The following CHST11 variants were observed in gnomAD, a reference collection of about 807,000 sequenced individuals.
CHST11 encodes the protein C4S-1.
In CHST11, 9 loss-of-function variants were observed where a neutral mutation model predicts 30.4. That is an observed-to-expected ratio of 0.30 (90% CI 0.18 to 0.52). The LOEUF (loss-of-function observed/expected upper bound fraction) is 0.52, where lower values mean the gene tolerates loss of function less well. Ranked by LOEUF, CHST11 falls within the 20% of genes least tolerant of loss-of-function variation. The probability of loss-of-function intolerance (pLI) is 0.97; values close to 1 mark genes in which losing one functional copy is unlikely to be tolerated. For synonymous variants in CHST11, 152 were observed against 187.8 expected (o/e 0.81, Z 1.56); for missense variants, 348 against 460.6 (o/e 0.76, Z 2.24).
At chr12:104,674,587 C>T (rs1425038127) in intron 2 of CHST11, among the ~76,000 whole-genome samples, 1 of 152,192 alleles carries the variant, frequency 6.6e-6, no homozygotes, top group African/African-American at 2.4e-5. Context: ...CAGGACTGTC[C>T]CTCATTAAAT....
intron 1 of CHST11, among the ~76,000 whole-genome samples, chr12:104,477,806 A>C (rs2037578036): frequency 6.6e-6 from 1 of 152,224 alleles, no homozygotes; most frequent in Admixed American, 6.5e-5. Flanking sequence ...AAGACAAGGA[A>C]CGATCCTTGA....
chr12:104,522,608 C>T (rs1222916192), intron 1 of CHST11, among the ~76,000 whole-genome samples: 1 of 152,148 alleles, frequency 6.6e-6, no homozygotes, highest in African/African-American at 2.4e-5. Flanking sequence ...GCCCTATGTT[C>T]CATCATTTTA....
chr12:104,734,465 G>T (rs2040282763), intron 2 of CHST11, among the ~76,000 whole-genome samples: 1 of 152,162 alleles, frequency 6.6e-6, no homozygotes, highest in African/African-American at 2.4e-5. Context: ...AGGTCAGCTT[G>T]CCCAAGGCTG....
chr12:104,688,598 C>T (rs2039869833), intron 2 of CHST11, among the ~76,000 whole-genome samples: 1 of 152,146 alleles, frequency 6.6e-6, no homozygotes, highest in Admixed American at 6.5e-5. Context: ...ATTTAAAAAC[C>T]TGTAAGATAT....
intron 2 of CHST11, among the ~76,000 whole-genome samples, chr12:104,752,677 G>A (rs549937394): frequency 9.9e-5 from 15 of 152,210 alleles, no homozygotes; most frequent in South Asian, 4.2e-4. Context: ...ACAGGCACCC[G>A]CCACCACGCC....
At chr12:104,724,917 A>T (rs746901657) in intron 2 of CHST11, among the ~76,000 whole-genome samples, 1 of 152,168 alleles carries the variant, frequency 6.6e-6, no homozygotes, top group Admixed American at 6.5e-5. Context: ...ACTCCCATTT[A>T]ACTAGTGTTC....
At position 104,628,310 on chromosome 12, in the gene CHST11, A is replaced by G. The variant is rs148186748; in HGVS notation, c.204+26319A>G. 6.1e-3 allele frequency among the ~76,000 whole-genome samples: 921 copies of G among 151,814 alleles called. 3 individuals are homozygous for G. Among genetic ancestry groups the G allele is most frequent in the Non-Finnish European group, 9.5e-3 (646 of 67,906 alleles). On this transcript the variant is annotated intron_variant, in intron 2 of 2. Coordinates refer to ENST00000303694, the MANE Select transcript of CHST11 (RefSeq NM_018413.6). ...CACAAATGCTGACAGGTGGCCCCTCACCCCACAGGGCTCGCTGACTGCACG... is the reference window on the plus strand; with the variant it reads ...CACAAATGCTGACAGGTGGCCCCTCGCCCCACAGGGCTCGCTGACTGCACG...
At chr12:104,544,797 G>C (rs1327200272) in intron 1 of CHST11, among the ~76,000 whole-genome samples, 1 of 96,960 alleles carries the variant, frequency 1.0e-5, no homozygotes, top group East Asian at 4.7e-4. Flanking sequence ...AATGGATTTG[G>C]TGCTTTCTTT....
chr12:104,745,177 A>G (rs2040380802), intron 2 of CHST11, among the ~76,000 whole-genome samples: 1 of 152,156 alleles, frequency 6.6e-6, no homozygotes, highest in Admixed American at 6.5e-5. Flanking sequence ...CCCGGCCCCT[A>G]GCACCATTTA....
intron 1 of CHST11, among the ~76,000 whole-genome samples, chr12:104,540,096 A>G (rs1280298594): frequency 6.6e-6 from 1 of 152,234 alleles, no homozygotes; most frequent in Non-Finnish European, 1.5e-5. Flanking sequence ...TGTGTGACTC[A>G]GTGTAGCACT....
intron 2 of CHST11, among the ~76,000 whole-genome samples, chr12:104,626,071 G>A (rs552022635): frequency 3.3e-5 from 5 of 152,278 alleles, no homozygotes; most frequent in African/African-American, 1.2e-4. Context: ...CTCACACAGG[G>A]GGACTGTTTA....
At chr12:104,554,067 C>G (rs2038431550) in intron 1 of CHST11, among the ~76,000 whole-genome samples, 1 of 152,104 alleles carries the variant, frequency 6.6e-6, no homozygotes, top group Non-Finnish European at 1.5e-5. Flanking sequence ...CTTACTTCAT[C>G]AAAGCCATCG....
chr12:104,661,306 C>T (rs1262488727), intron 2 of CHST11, among the ~76,000 whole-genome samples: 2 of 152,050 alleles, frequency 1.3e-5, no homozygotes, highest in Admixed American at 1.3e-4. Flanking sequence ...GCGGGTAGAT[C>T]GCTGGAGATT....
chr12:104,700,964 C>T (rs887722748), intron 2 of CHST11, among the ~76,000 whole-genome samples: 2 of 152,060 alleles, frequency 1.3e-5, no homozygotes, highest in African/African-American at 2.4e-5. Context: ...AAAAATTAGC[C>T]AGGCATGGTG....
intron 2 of CHST11, among the ~76,000 whole-genome samples, chr12:104,653,928 G>C (rs181925293): frequency 1.2e-4 from 18 of 152,234 alleles, no homozygotes; most frequent in Admixed American, 9.8e-4. Context: ...CACCTGCAGG[G>C]GGCCAAGATT....
chr12:104,538,606 A>T (rs978086245), intron 1 of CHST11, among the ~76,000 whole-genome samples: 7 of 152,192 alleles, frequency 4.6e-5, no homozygotes, highest in African/African-American at 1.7e-4. Context: ...TGTAGCCCAC[A>T]TCCTATTAAA....
intron 2 of CHST11, among the ~76,000 whole-genome samples, chr12:104,633,412 CTTTTTT>C (rs34686417): frequency 8.9e-6 from 1 of 111,878 alleles, no homozygotes; most frequent in African/African-American, 3.5e-5. Flanking sequence ...CTCCCTCTGT[CTTTTTT>C]TTTTTTTTTT....
At chr12:104,643,095 G>A (rs917351479) in intron 2 of CHST11, among the ~76,000 whole-genome samples, 8 of 152,154 alleles carry the variant, frequency 5.3e-5, no homozygotes, top group South Asian at 2.1e-4. Flanking sequence ...AGGCTGAGGC[G>A]GGAGGATCAC....
At chr12:104,473,773 T>C (rs1322752582) in intron 1 of CHST11, among the ~76,000 whole-genome samples, 2 of 152,148 alleles carry the variant, frequency 1.3e-5, no homozygotes, top group Non-Finnish European at 2.9e-5. Flanking sequence ...TTGTGCTTGG[T>C]ACAAAGCTGA....
Sources: gnomAD v4.1 joint callset for allele counts (sites outside exome capture counted in the v4.1 genomes callset) on GRCh38, gnomAD v4.1.1 for gene constraint, MANE v1.5 for transcripts, NCBI Gene and HGNC (gene_info 2026-07-23, HGNC 2026-07-21) for gene names.